FHIT: variants seen among roughly 807,000 people sequenced by gnomAD.
The protein encoded by FHIT is fragile histidine triad diadenosine triphosphatase.
Under a neutral mutation model 17.9 loss-of-function variants are expected in FHIT, and 19 were observed. That is an observed-to-expected ratio of 1.06 (90% CI 0.74 to 1.56). FHIT has a LOEUF of 1.56. Ranked by LOEUF, FHIT falls within the 40% of genes most tolerant of loss-of-function variation. The pLI is 0.00. For missense variants in FHIT, 248 were observed against 189.2 expected (o/e 1.31, Z -1.82); for synonymous variants, 81 against 69.7 (o/e 1.16, Z -0.81).
chr3:59,835,499 C>A (rs959812526), intron 8 of FHIT, among the ~76,000 whole-genome samples: 18 of 152,118 alleles, frequency 1.2e-4, no homozygotes, highest in Non-Finnish European at 5.9e-5. Context: ...AATTTGTTGA[C>A]ATTTTTATGG....
chr3:60,449,500 G>A (rs984542064), intron 5 of FHIT, among the ~76,000 whole-genome samples: 1 of 151,936 alleles, frequency 6.6e-6, no homozygotes, highest in Non-Finnish European at 1.5e-5. Context: ...GAAATGCATT[G>A]TTAGGCTATT....
intron 4 of FHIT, among the ~76,000 whole-genome samples, chr3:60,574,624 T>C (rs367981355): frequency 1.3e-5 from 2 of 152,220 alleles, no homozygotes; most frequent in East Asian, 3.9e-4. Context: ...TGTAAAGTTG[T>C]GTAAACACAT....
At chr3:60,712,545 A>T (rs1212386952) in intron 4 of FHIT, among the ~76,000 whole-genome samples, 2 of 151,964 alleles carry the variant, frequency 1.3e-5, no homozygotes, top group African/African-American at 4.8e-5. Context: ...TCACATACAG[A>T]GACACACATA....
intron 7 of FHIT, among the ~76,000 whole-genome samples, chr3:59,930,210 C>T (rs1251835798): frequency 1.3e-5 from 2 of 152,132 alleles, no homozygotes; most frequent in Non-Finnish European, 2.9e-5. Context: ...CCTTCTCCCA[C>T]CTGGAGAGTG....
chr3:60,731,744 G>T (rs1346489255), intron 4 of FHIT, among the ~76,000 whole-genome samples: 1 of 152,092 alleles, frequency 6.6e-6, no homozygotes, highest in African/African-American at 2.4e-5. Flanking sequence ...GGTTTCTTCT[G>T]TCTGTTGGGA....
chr3:60,380,118 T>A (rs556514077), intron 5 of FHIT, among the ~76,000 whole-genome samples: 1 of 152,314 alleles, frequency 6.6e-6, no homozygotes, highest in South Asian at 2.1e-4. Flanking sequence ...CCTTTCAAAT[T>A]TCATATTAAA....
At chr3:61,227,982 G>GT (rs2040011295) in intron 1 of FHIT, among the ~76,000 whole-genome samples, 1 of 152,086 alleles carries the variant, frequency 6.6e-6, no homozygotes, top group Non-Finnish European at 1.5e-5. Context: ...AATGTCTGTA[G>GT]TTATTAATCA....
At chr3:60,937,482 GA>G (rs1463997769) in intron 3 of FHIT, among the ~76,000 whole-genome samples, 1 of 150,390 alleles carries the variant, frequency 6.6e-6, no homozygotes, top group African/African-American at 2.4e-5. Flanking sequence ...AGTCTGATGA[GA>G]AAAATATGTG....
chr3:60,606,909 A>G (rs1290546584), intron 4 of FHIT, among the ~76,000 whole-genome samples: 2 of 151,968 alleles, frequency 1.3e-5, no homozygotes, highest in African/African-American at 4.8e-5. Context: ...TTCCTTTTCT[A>G]CTTATATTAA....
intron 5 of FHIT, among the ~76,000 whole-genome samples, chr3:60,400,885 G>T (rs188559829): frequency 6.6e-6 from 1 of 152,116 alleles, no homozygotes; most frequent in Non-Finnish European, 1.5e-5. Context: ...ATTTAAAAGT[G>T]AGATCATTTT....
intron 5 of FHIT, among the ~76,000 whole-genome samples, chr3:60,465,327 C>T (rs1245274825): frequency 6.6e-6 from 1 of 151,930 alleles, no homozygotes; most frequent in African/African-American, 2.4e-5. Flanking sequence ...TGAGTTGTCT[C>T]TTCAAATTGC....
intron 2 of FHIT, among the ~76,000 whole-genome samples, chr3:61,092,362 C>A (rs2035512132): frequency 6.6e-6 from 1 of 152,068 alleles, no homozygotes; most frequent in African/African-American, 2.4e-5. Flanking sequence ...CTCAATTAAG[C>A]CTGCACCCTC....
intron 2 of FHIT, among the ~76,000 whole-genome samples, chr3:61,059,337 T>C (rs2034341156): frequency 6.6e-6 from 1 of 151,648 alleles, no homozygotes; most frequent in Admixed American, 6.6e-5. Context: ...ATGAAAGCCA[T>C]TTAATTCAAT....
rs192319447 is a variant in FHIT, at chr3:60,185,478, T to C, written c.104-171326A>G. ...ATTCCTTTTTATTGCTGAGTAATGTTCCATTCTACAGATGTAACAGAGCTT... is the reference window on the plus strand; with the variant it reads ...ATTCCTTTTTATTGCTGAGTAATGTCCCATTCTACAGATGTAACAGAGCTT... On this transcript the variant is annotated intron_variant, in intron 5 of 9. Coordinates refer to ENST00000492590, the MANE Select transcript of FHIT (RefSeq NM_002012.4). Among the ~76,000 whole-genome samples the C allele has an allele frequency of 1.2e-3, 185 of 152,346 alleles. 1 individual carries two copies. The highest frequency in any genetic ancestry group is 4.4e-3 in the African/African-American group (181 of 41,592).
intron 5 of FHIT, among the ~76,000 whole-genome samples, chr3:60,361,644 A>C (rs6769239): frequency 0.018 from 2,790 of 152,320 alleles, 79 homozygotes; most frequent in African/African-American, 0.058. Context: ...AGAATCAAAC[A>C]AACAAAAGAC....
chr3:60,482,402 T>C (rs1332502991), intron 5 of FHIT, among the ~76,000 whole-genome samples: 1 of 152,090 alleles, frequency 6.6e-6, no homozygotes, highest in Non-Finnish European at 1.5e-5. Context: ...CCACGTGGCA[T>C]TATTCTAAAA....
At chr3:61,236,338 C>G (rs1488231649) in intron 1 of FHIT, among the ~76,000 whole-genome samples, 1 of 151,092 alleles carries the variant, frequency 6.6e-6, no homozygotes, top group Non-Finnish European at 1.5e-5. Flanking sequence ...TGTGACCTGC[C>G]AAATGCAGCT....
intron 5 of FHIT, among the ~76,000 whole-genome samples, chr3:60,405,480 C>G (rs1701822577): frequency 6.6e-6 from 1 of 152,198 alleles, no homozygotes; most frequent in South Asian, 2.1e-4. Context: ...AAATTCTTCT[C>G]TGACCTCCTC....
intron 3 of FHIT, among the ~76,000 whole-genome samples, chr3:60,953,540 C>T (rs1047424012): frequency 2.0e-5 from 3 of 152,180 alleles, no homozygotes; most frequent in Non-Finnish European, 4.4e-5. Flanking sequence ...CCTCCTCAAG[C>T]CCTGACTAAT....
Sources: allele counts gnomAD v4.1 joint callset (sites outside exome capture counted in the v4.1 genomes callset), GRCh38; gene constraint gnomAD v4.1.1; transcripts MANE v1.5; gene names NCBI Gene and HGNC (gene_info 2026-07-23, HGNC 2026-07-21).